Variants in ARHGAP10 observed in about 807,000 individuals in gnomAD.
ARHGAP10 encodes the protein rho GTPase-activating protein 10.
Under a neutral mutation model 108.6 loss-of-function variants are expected in ARHGAP10, and 87 were observed. That is an observed-to-expected ratio of 0.80 (90% confidence interval 0.67 to 0.96). The LOEUF is 0.96. Ranked by LOEUF, ARHGAP10 falls within the 40% of genes least tolerant of loss-of-function variation. The probability of loss-of-function intolerance (pLI) is 0.00; values close to 1 mark genes in which losing one functional copy is unlikely to be tolerated. For synonymous variants in ARHGAP10, 347 were observed against 341.1 expected (o/e 1.02, Z -0.19); for missense variants, 939 against 954.5 (o/e 0.98, Z 0.21).
At chr4:148,026,925 AATATATGTTAT>A (rs1280280736) in intron 19 of ARHGAP10, among the ~76,000 whole-genome samples, 4 of 152,186 alleles carry the variant, frequency 2.6e-5, no homozygotes, top group African/African-American at 9.7e-5. Flanking sequence ...AAAAATGTTA[AATATATGTTAT>A]GTGTTTATTT....
intron 15 of ARHGAP10, among the ~76,000 whole-genome samples, 199 bp from the exon 16 acceptor site, chr4:147,955,117 C>T (rs1226331931): frequency 6.6e-6 from 1 of 152,014 alleles, no homozygotes; most frequent in Admixed American, 6.6e-5. Context: ...GCTCCCTAGG[C>T]TTTGATAGTG....
At chr4:147,831,623 G>T (rs1732956020) in intron 3 of ARHGAP10, among the ~76,000 whole-genome samples, 1 of 152,184 alleles carries the variant, frequency 6.6e-6, no homozygotes, top group Admixed American at 6.5e-5. Context: ...CTAATTTTAT[G>T]AAGACTTTTT....
At position 147,748,782 on chromosome 4, in the gene ARHGAP10, G is replaced by A. The variant is rs545636215; in HGVS notation, c.154+16327G>A. Among the ~76,000 whole-genome samples the A allele has an allele frequency of 5.3e-5, 8 of 152,208 alleles. No individual in the cohort carries two copies. The South Asian group carries it at 6.2e-4, about 12-fold the overall frequency. On this transcript the variant is annotated intron_variant, in intron 1 of 22. Coordinates refer to ENST00000336498, the MANE Select transcript of ARHGAP10 (RefSeq NM_024605.4). ...GGTTAGGAGTTTGAGACCAGCCTGG[G>A]CAACATAGACCCTATTTCTAAAAAC...
In ARHGAP10 at chr4:148,017,104, T is replaced by C. The variant is rs1741377781; in HGVS notation, c.1717-6159T>C. Among the ~76,000 whole-genome samples, 3 of 151,976 alleles carry C rather than the reference T, an allele frequency of 2.0e-5. No homozygotes were observed. In the South Asian group the frequency reaches 6.2e-4, roughly 32 times the overall value. Reference sequence around the variant, plus strand: ...GGAGACTTCATTGGATGGGCATGATTGATCATCAAGCAGAAATATAATTGT... The same window carrying C: ...GGAGACTTCATTGGATGGGCATGATCGATCATCAAGCAGAAATATAATTGT... On this transcript the variant is annotated intron_variant, in intron 18 of 22. Coordinates refer to ENST00000336498, the MANE Select transcript of ARHGAP10 (RefSeq NM_024605.4).
intron 18 of ARHGAP10, among the ~76,000 whole-genome samples, chr4:148,017,924 GA>G (rs1459626366): frequency 6.6e-6 from 1 of 151,932 alleles, no homozygotes; most frequent in Non-Finnish European, 1.5e-5. Context: ...CTTGGGGAGG[GA>G]TTTATATAAA....
intron 1 of ARHGAP10, chr4:147,809,235 T>C: frequency 6.6e-6 from 1 of 152,360 alleles, no homozygotes; most frequent in Non-Finnish European, 1.5e-5. Flanking sequence ...CCATTCCTTA[T>C]TTAATTTTAA....
intron 18 of ARHGAP10, among the ~76,000 whole-genome samples, chr4:148,022,177 C>A (rs369056506): frequency 6.6e-6 from 1 of 152,112 alleles, no homozygotes; most frequent in African/African-American, 2.4e-5. Context: ...ATGTGCAGAA[C>A]GTGCAGGTTC....
chr4:147,827,292 A>G (rs1732749223), intron 3 of ARHGAP10, among the ~76,000 whole-genome samples: 1 of 152,132 alleles, frequency 6.6e-6, no homozygotes. Context: ...GAAACTTTTG[A>G]GGAAGAATAG....
chr4:148,041,831 T>C (rs1728645200), intron 19 of ARHGAP10, among the ~76,000 whole-genome samples: 1 of 152,224 alleles, frequency 6.6e-6, no homozygotes, highest in South Asian at 2.1e-4. Context: ...AAAAGAACAC[T>C]GTGTTGTATT....
At chr4:147,768,380 G>A (rs192141954) in intron 1 of ARHGAP10, among the ~76,000 whole-genome samples, 1 of 152,186 alleles carries the variant, frequency 6.6e-6, no homozygotes, top group Admixed American at 6.5e-5. Flanking sequence ...TTTTTTGAGT[G>A]TCTGGAAACA....
At chr4:147,964,630 A>C (rs1304829558) in intron 16 of ARHGAP10, among the ~76,000 whole-genome samples, 2 of 152,224 alleles carry the variant, frequency 1.3e-5, no homozygotes, top group African/African-American at 4.8e-5. Flanking sequence ...AACATGCAAT[A>C]GCCTATTTGC....
intron 19 of ARHGAP10, among the ~76,000 whole-genome samples, chr4:148,045,505 GCTGAGGCAGGCGGATCAC>G (rs1430498288): frequency 6.6e-6 from 1 of 152,072 alleles, no homozygotes; most frequent in Non-Finnish European, 1.5e-5. Context: ...AATTTGGGAG[GCTGAGGCAGGCGGATCAC>G]CTGAGGTCAG....
chr4:147,732,996 T>A (rs1160485760), intron 1 of ARHGAP10, among the ~76,000 whole-genome samples: 1 of 152,160 alleles, frequency 6.6e-6, no homozygotes, highest in Non-Finnish European at 1.5e-5. Flanking sequence ...CTGTTCCAGG[T>A]CCTTCACGTG....
chr4:147,842,280 G>A (rs972699024), intron 3 of ARHGAP10, among the ~76,000 whole-genome samples: 2 of 152,034 alleles, frequency 1.3e-5, no homozygotes, highest in African/African-American at 4.8e-5. Context: ...TAGCCTTTGG[G>A]GCTCAGACGG....
chr4:147,766,830 ATATATATATTTATT>A (rs1395507308), intron 1 of ARHGAP10, among the ~76,000 whole-genome samples: 30 of 105,894 alleles, frequency 2.8e-4, no homozygotes, highest in African/African-American at 9.3e-4. Context: ...ATATATATAT[ATATATATATTTATT>A]TATTTATTTA....
At chr4:148,010,698 C>G (rs1406652922) in intron 18 of ARHGAP10, among the ~76,000 whole-genome samples, 1 of 152,138 alleles carries the variant, frequency 6.6e-6, no homozygotes, top group Non-Finnish European at 1.5e-5. Context: ...TATATCATGA[C>G]TCTAATTGTG....
chr4:147,983,387 G>A (rs1042698091), intron 18 of ARHGAP10, among the ~76,000 whole-genome samples: 2 of 151,662 alleles, frequency 1.3e-5, no homozygotes, highest in African/African-American at 4.8e-5. Context: ...GGGTTTCACC[G>A]TGTTAGCCAG....
intron 10 of ARHGAP10, among the ~76,000 whole-genome samples, chr4:147,884,084 A>T (rs1048378477): frequency 2.0e-5 from 3 of 152,242 alleles, no homozygotes; most frequent in Non-Finnish European, 2.9e-5. Flanking sequence ...AAGATGAGCT[A>T]GCAGTCTACT....
At chr4:147,867,997 A>G (rs1374663689) in intron 7 of ARHGAP10, among the ~76,000 whole-genome samples, 1 of 146,758 alleles carries the variant, frequency 6.8e-6, no homozygotes, top group African/African-American at 2.6e-5. Context: ...TTTATAATTT[A>G]TGTGTCAACT....
Sources: allele counts gnomAD v4.1 joint callset (sites outside exome capture counted in the v4.1 genomes callset), GRCh38; gene constraint gnomAD v4.1.1; transcripts MANE v1.5; gene names NCBI Gene and HGNC (gene_info 2026-07-23, HGNC 2026-07-21).